Variants in FEZ2 observed in about 807,000 individuals in gnomAD.
FEZ2 encodes fasciculation and elongation protein zeta 2.
A neutral mutation model predicts 40.4 loss-of-function variants in FEZ2; 51 were observed. That is an observed-to-expected ratio of 1.26 (90% confidence interval 1.01 to 1.59). The LOEUF is 1.59. Ranked by LOEUF, FEZ2 falls within the 40% of genes most tolerant of loss-of-function variation. The pLI is 0.00. For synonymous variants in FEZ2, 242 were observed against 172.0 expected, an observed-to-expected ratio of 1.41 and a Z score of -3.18; for missense variants, 640 against 438.3, an observed-to-expected ratio of 1.46 and a Z score of -4.11.
At chr2:36,578,023 T>G (rs1262426525) in intron 5 of FEZ2, among the ~76,000 whole-genome samples, 1 of 152,256 alleles carries the variant, frequency 6.6e-6, no homozygotes, top group African/African-American at 2.4e-5. Context: ...TCAGATGTTC[T>G]AAACTTGTTT....
intron 5 of FEZ2, among the ~76,000 whole-genome samples, chr2:36,567,238 G>T (rs187925916): frequency 2.9e-4 from 44 of 151,728 alleles, no homozygotes; most frequent in African/African-American, 1.0e-3. Flanking sequence ...CATATCATGA[G>T]GTGTCTTGAC....
intron 7 of FEZ2, chr2:36,554,243 G>C (rs1190192201): frequency 4.2e-6 from 2 of 471,076 alleles, no homozygotes; most frequent in African/African-American, 2.0e-5. Flanking sequence ...TGCGGTATAG[G>C]TAGGTTCACA....
chr2:36,597,912 C>G lies in FEZ2; in HGVS notation c.231G>C (p.Arg77=), dbSNP rs774996553. The G allele has an allele frequency of 1.4e-4, 200 of 1,418,056 alleles. No individual in the cohort carries two copies. Among genetic ancestry groups the G allele is most frequent in the Non-Finnish European group, 1.7e-4 (188 of 1,093,814 alleles). The allele number at this position is 1,418,056 out of a possible 1,614,324, so 87.8% of individuals were successfully genotyped here. A position where few individuals can be genotyped will look rare whatever the true frequency, so the allele number is the denominator to read the frequency against. ...GCAGGAGGCTGCGCTCCGTGATGGG[C>G]CGCACGGCCGTCCTCGGGGGCTCGG... ...PGAEPPRTAV[R]PITERSLLQG... is the part of the protein sequence containing the mutation. Residue 77 remains arginine (R), a synonymous_variant, in exon 1 of 8, where the codon CGG becomes CGC. Coordinates refer to ENST00000405912, the MANE Select transcript of FEZ2 (RefSeq NM_005102.3).
chr2:36,571,655 A>G (rs868737545), intron 5 of FEZ2, among the ~76,000 whole-genome samples: 15 of 151,012 alleles, frequency 9.9e-5, no homozygotes, highest in Non-Finnish European at 1.5e-4. Context: ...ACCCTGTCTC[A>G]AAAAAAAAGA....
At chr2:36,566,027 A>G (rs1023887173) in intron 5 of FEZ2, among the ~76,000 whole-genome samples, 4 of 152,212 alleles carry the variant, frequency 2.6e-5, no homozygotes, top group African/African-American at 9.6e-5. Context: ...TGGGCAGCAC[A>G]TTCCTGGAAA....
chr2:36,575,002 C>A (rs2125231580), intron 5 of FEZ2, among the ~76,000 whole-genome samples: 1 of 152,308 alleles, frequency 6.6e-6, no homozygotes, highest in East Asian at 1.9e-4. Flanking sequence ...GTGACACTCT[C>A]CAAAACAGCT....
In FEZ2 at chr2:36,583,395, G is replaced by A. The variant is rs779411375; in HGVS notation, c.450C>T (p.Ile150=). ...LREQLDMHSI[I]VSCVNDEPLF... ...GGGGTTCATCATTAACACAGGAGAC[G>A]ATGATTGAGTGCATATCCAGCTGTT... The change falls in exon 3 of 8, where the codon ATC becomes ATT. Residue 150 remains isoleucine (I), a synonymous_variant. Transcript: ENST00000405912. 4 of 1,606,866 alleles carry A rather than the reference G, an allele frequency of 2.5e-6. No homozygotes were observed. Among genetic ancestry groups the A allele is most frequent in the African/African-American group, 2.7e-5 (2 of 74,776 alleles).
At chr2:36,592,079 T>C (rs1669088535) in intron 1 of FEZ2, among the ~76,000 whole-genome samples, 2 of 152,138 alleles carry the variant, frequency 1.3e-5, no homozygotes, top group African/African-American at 4.8e-5. Context: ...GAAATCTAAT[T>C]GGGATACGTA....
At position 36,587,796 on chromosome 2, in the gene FEZ2, TA is replaced by T. The variant is rs557810920; in HGVS notation, c.375+3106del. 5.8e-3 allele frequency among the ~76,000 whole-genome samples: 861 copies of T among 149,592 alleles called. 12 individuals are homozygous for T. Among genetic ancestry groups the T allele is most frequent in the African/African-American group, 0.02 (821 of 40,900 alleles). On this transcript the variant is annotated intron_variant, in intron 2 of 7. Transcript: ENST00000405912. ...GGTAAATACAGTCACTTTGCCAGAT[TA>T]AAAAAAAAATGCTTAATTATATACC...
chr2:36,556,017 A>C, intron 6 of FEZ2: 1 of 582,018 alleles, frequency 1.7e-6, no homozygotes, highest in Non-Finnish European at 3.3e-6. Context: ...CAAACAGTGG[A>C]GACAAAAAAA....
chr2:36,568,191 G>A (rs904295796), intron 5 of FEZ2, among the ~76,000 whole-genome samples: 20 of 152,016 alleles, frequency 1.3e-4, no homozygotes, highest in African/African-American at 4.8e-4. Context: ...TAGGGGAGGA[G>A]GGAGACAGAG....
chr2:36,561,989 G>C (rs956488398), intron 5 of FEZ2, among the ~76,000 whole-genome samples: 1 of 152,162 alleles, frequency 6.6e-6, no homozygotes, highest in Admixed American at 6.5e-5. Context: ...AGGAGTTCAG[G>C]AGTTCAAAAA....
intron 5 of FEZ2, among the ~76,000 whole-genome samples, chr2:36,567,692 G>A (rs1204989757): frequency 6.6e-6 from 1 of 151,928 alleles, no homozygotes; most frequent in Non-Finnish European, 1.5e-5. Context: ...AACCCGGGAG[G>A]CGGAGGTTGC....
chr2:36,575,396 C>T (rs1410961112), intron 5 of FEZ2, among the ~76,000 whole-genome samples: 1 of 152,044 alleles, frequency 6.6e-6, no homozygotes, highest in African/African-American at 2.4e-5. Flanking sequence ...ACTATATTGC[C>T]CAGTCTGGCC....
rs184409641 is a variant in FEZ2 at position 36,552,550 on chromosome 2, A to G, written c.*613T>C. 4.1e-6 allele frequency: 1 copy of G among 244,274 alleles called. No individual in the cohort carries two copies. The highest frequency in any genetic ancestry group is 2.3e-5 in the African/African-American group (1 of 43,410). 15.1% of individuals were successfully genotyped at this position (244,274 alleles called of 1,614,324 possible). ...GATTCTAAAAGTGAATGGCAATTTA[A>G]TGGTTAAAATTTGACCAGTGGTGAA... On this transcript the variant is annotated 3_prime_UTR_variant, in exon 8 of 8. Coordinates refer to ENST00000405912, the MANE Select transcript of FEZ2 (RefSeq NM_005102.3).
chr2:36,596,128 AT>A (rs1669215869), intron 1 of FEZ2, among the ~76,000 whole-genome samples: 1 of 152,196 alleles, frequency 6.6e-6, no homozygotes, highest in Non-Finnish European at 1.5e-5. Flanking sequence ...TACTGACGGC[AT>A]GCATGTGTGT....
chr2:36,569,923 ATT>A lies in FEZ2; in HGVS notation c.903+8672_903+8673del, dbSNP rs958233181. Among the ~76,000 whole-genome samples, 61 of 152,356 alleles carry A rather than the reference ATT, an allele frequency of 4.0e-4. 1 individual carries two copies. In the Middle Eastern group the frequency reaches 0.034, roughly 85 times the overall value. On this transcript the variant is annotated intron_variant, in intron 5 of 7. Coordinates refer to ENST00000405912, the MANE Select transcript of FEZ2 (RefSeq NM_005102.3). ...TCTAATCTACTCTTACTTCATTAAT[ATT>A]CTTTATACTCAGGAGGTTCAAATGA... is the stretch of plus-strand genomic sequence containing the variant.
chr2:36,573,685 T>C (rs1668484193), intron 5 of FEZ2, among the ~76,000 whole-genome samples: 1 of 152,222 alleles, frequency 6.6e-6, no homozygotes, highest in Non-Finnish European at 1.5e-5. Flanking sequence ...TACAACACAG[T>C]GTGGTACTTC....
chr2:36,597,538 G>T (rs1201407250), intron 1 of FEZ2, among the ~76,000 whole-genome samples: 2 of 152,148 alleles, frequency 1.3e-5, no homozygotes, highest in Non-Finnish European at 2.9e-5. Context: ...GTGAATGAAT[G>T]GCGACACACG....
Sources: allele counts gnomAD v4.1 joint callset (sites outside exome capture counted in the v4.1 genomes callset), GRCh38; gene constraint gnomAD v4.1.1; transcripts MANE v1.5; gene names NCBI Gene and HGNC (gene_info 2026-07-23, HGNC 2026-07-21).